FREM2: variants seen among roughly 807,000 people sequenced by gnomAD.
The protein encoded by FREM2 is FRAS1 related extracellular matrix 2, also known as FRAS1-related extracellular matrix protein 2.
A neutral mutation model predicts 219.9 loss-of-function variants in FREM2; 119 were observed. The observed-to-expected ratio is 0.54, with a 90% CI of 0.47 to 0.63. FREM2 has a LOEUF of 0.63. FREM2 is among the 30% of genes least tolerant of loss of function. The probability of loss-of-function intolerance (pLI) is 0.00; values close to 1 mark genes in which losing one functional copy is unlikely to be tolerated. For synonymous variants in FREM2, 1,562 were observed against 1,522.8 expected, an observed-to-expected ratio of 1.03 and a Z score of -0.60; for missense variants, 4,030 against 3,993.6, an observed-to-expected ratio of 1.01 and a Z score of -0.25.
chr13:38,719,891 T>C (rs1871154824), intron 2 of FREM2, among the ~76,000 whole-genome samples: 1 of 152,160 alleles, frequency 6.6e-6, no homozygotes, highest in Non-Finnish European at 1.5e-5. Flanking sequence ...TGCAAAAATA[T>C]CTAACTTGCT....
chr13:38,844,935 G>C (rs1336625995), intron 6 of FREM2, among the ~76,000 whole-genome samples: 1 of 152,184 alleles, frequency 6.6e-6, no homozygotes, highest in African/African-American at 2.4e-5. Context: ...GGAATGTATT[G>C]GCTTGTAATT....
intron 6 of FREM2, among the ~76,000 whole-genome samples, chr13:38,834,774 T>C (rs1193571809): frequency 1.3e-5 from 2 of 152,252 alleles, no homozygotes; most frequent in Non-Finnish European, 2.9e-5. Context: ...TTCATATCCT[T>C]TGCCCACTTT....
At chr13:38,711,241 G>T (rs544475644) in intron 2 of FREM2, among the ~76,000 whole-genome samples, 1 of 151,984 alleles carries the variant, frequency 6.6e-6, no homozygotes, top group African/African-American at 2.4e-5. Context: ...CCCCGTCTTC[G>T]CCTCCAGCCA....
chr13:38,862,034 A>G (rs73466038), intron 15 of FREM2, among the ~76,000 whole-genome samples: 2,234 of 152,274 alleles, frequency 0.015, 61 homozygotes, highest in African/African-American at 0.051. Context: ...TATTGTGTCT[A>G]TTTTCTCTGG....
intron 2 of FREM2, among the ~76,000 whole-genome samples, chr13:38,754,858 AGATGATGATGAT>A (rs1157940850): frequency 3.5e-5 from 5 of 141,300 alleles, no homozygotes; most frequent in African/African-American, 1.1e-4. Flanking sequence ...TGGTTGGTCA[AGATGATGATGAT>A]GATGATGATG....
At chr13:38,748,500 C>T (rs1872573723) in intron 2 of FREM2, among the ~76,000 whole-genome samples, 1 of 152,174 alleles carries the variant, frequency 6.6e-6, no homozygotes, top group Admixed American at 6.6e-5. Context: ...ATGGTTTGTA[C>T]TCAAAGGCAA....
rs141383251 is a variant in FREM2 at position 38,776,388 on chromosome 13, G to A, written c.5641+6580G>A. Among the ~76,000 whole-genome samples, 336 of 152,268 alleles carry A rather than the reference G, an allele frequency of 2.2e-3. 2 individuals carry two copies. Among genetic ancestry groups the A allele is most frequent in the African/African-American group, 7.7e-3 (321 of 41,560 alleles). Reference sequence around the variant, plus strand: ...TTTTGTTCTATCATTGTTTAGCAGAGTCTGTTTATTTTTTATCCTCTGTGG... The same window carrying A: ...TTTTGTTCTATCATTGTTTAGCAGAATCTGTTTATTTTTTATCCTCTGTGG... On this transcript the variant is annotated intron_variant, in intron 4 of 23. Coordinates refer to ENST00000280481, the MANE Select transcript of FREM2 (RefSeq NM_207361.6).
At chr13:38,864,727 C>A in intron 16 of FREM2, 121 bp downstream of exon 16, 1 of 849,094 alleles carries the variant, frequency 1.2e-6, no homozygotes. Context: ...TAATTATTGA[C>A]AGCAAGGGAC....
intron 23 of FREM2, among the ~76,000 whole-genome samples, chr13:38,879,541 C>T (rs1178676500): frequency 6.6e-6 from 1 of 152,162 alleles, no homozygotes; most frequent in Non-Finnish European, 1.5e-5. Flanking sequence ...TCAAGAGGTG[C>T]TTACACTGCA....
chr13:38,820,568 G>A (rs937731968), intron 6 of FREM2, among the ~76,000 whole-genome samples: 8 of 151,930 alleles, frequency 5.3e-5, no homozygotes, highest in African/African-American at 1.7e-4. Context: ...CTATTAAAAT[G>A]AATTTTATAA....
In FREM2 at chr13:38,880,796, G is replaced by A. The variant is rs1183596075; in HGVS notation, c.*9G>A. 2.5e-6 allele frequency: 4 copies of A among 1,613,972 alleles called. No individual in the cohort carries two copies. The East Asian group carries it at 8.9e-5, about 36-fold the overall frequency. ...ACAGCTCAGAAGTTTGATGACTGCAGGTAGAATTCAACCTTTTCCGTAAGT... is the reference window on the plus strand; with the variant it reads ...ACAGCTCAGAAGTTTGATGACTGCAAGTAGAATTCAACCTTTTCCGTAAGT... On this transcript the variant is annotated 3_prime_UTR_variant, in exon 24 of 24. Transcript: ENST00000280481.
In FREM2 at chr13:38,769,465, G is replaced by GA. The variant is rs1200211567; in HGVS notation, c.5411-113_5411-112insA. The GA allele has an allele frequency of 5.4e-6, 5 of 917,964 alleles. No individual in the cohort carries two copies. In the East Asian group the frequency reaches 1.3e-4, roughly 24 times the overall value. 56.9% of individuals were successfully genotyped at this position (917,964 alleles called of 1,614,324 possible). On this transcript the variant is annotated intron_variant, in intron 3 of 23. Coordinates refer to ENST00000280481, the MANE Select transcript of FREM2 (RefSeq NM_207361.6). ...CAATTTTCCATTTCATGAGGTCAAA[G>GA]CAGGATCAACTTTGCTTTTCAGGAT...
chr13:38,870,408 A>G (rs949024708), intron 16 of FREM2, among the ~76,000 whole-genome samples: 1 of 152,218 alleles, frequency 6.6e-6, no homozygotes, highest in Non-Finnish European at 1.5e-5. Context: ...AGCAATAGGG[A>G]CATATGAAAT....
At chr13:38,871,809 T>G (rs1233293259) in intron 16 of FREM2, among the ~76,000 whole-genome samples, 1 of 152,168 alleles carries the variant, frequency 6.6e-6, no homozygotes, top group Non-Finnish European at 1.5e-5. Flanking sequence ...TGGTAAGTAC[T>G]CAATATATAA....
chr13:38,876,149 C>T lies in FREM2; in HGVS notation c.8409C>T (p.Ala2803=), dbSNP rs956616424. 5 of 1,613,926 alleles carry T rather than the reference C, an allele frequency of 3.1e-6. No homozygotes were observed. Among genetic ancestry groups the T allele is most frequent in the Admixed American group, 1.7e-5 (1 of 59,996 alleles). The part of the protein sequence containing the change: ...VQQWSFVSDF[A]VRDYSGTYTV... ...AGTGGAGCTTTGTCTCTGACTTTGC[C>T]GTAAGTGACTAAGACTCTTAATTAA... The change falls in exon 19 of 24, where the codon GCC becomes GCT. Residue 2803 remains alanine (A), a splice_region_variant and synonymous_variant. Coordinates refer to ENST00000280481, the MANE Select transcript of FREM2 (RefSeq NM_207361.6).
chr13:38,861,278 T>G (rs1240581180), intron 14 of FREM2, among the ~76,000 whole-genome samples, 153 bp from the exon 15 acceptor site: 1 of 152,176 alleles, frequency 6.6e-6, no homozygotes, highest in African/African-American at 2.4e-5. Context: ...GACTTCTAAT[T>G]CCTTATCACG....
chr13:38,718,735 C>G (rs1167201402), intron 2 of FREM2, among the ~76,000 whole-genome samples: 4 of 152,094 alleles, frequency 2.6e-5, no homozygotes, highest in Non-Finnish European at 5.9e-5. Flanking sequence ...TTACATACCT[C>G]CAGTTTCGAA....
At chr13:38,873,367 C>A (rs573450860) in intron 17 of FREM2, among the ~76,000 whole-genome samples, 1 of 152,180 alleles carries the variant, frequency 6.6e-6, no homozygotes, top group African/African-American at 2.4e-5. Context: ...GGCCTGAATT[C>A]TAGTCATGAC....
intron 1 of FREM2, among the ~76,000 whole-genome samples, chr13:38,696,955 G>C (rs956709422): frequency 1.2e-4 from 18 of 151,794 alleles, no homozygotes; most frequent in Admixed American, 4.6e-4. Context: ...TTACAGGAAC[G>C]CACCACCACA....
Sources: gnomAD v4.1 joint callset for allele counts (sites outside exome capture counted in the v4.1 genomes callset) on GRCh38, gnomAD v4.1.1 for gene constraint, MANE v1.5 for transcripts, NCBI Gene and HGNC (gene_info 2026-07-23, HGNC 2026-07-21) for gene names.